The following KIRREL1 variants were observed in gnomAD, a reference collection of about 807,000 sequenced individuals.
KIRREL1 encodes kirre like nephrin family adhesion molecule 1.
Under a neutral mutation model 83.3 loss-of-function variants are expected in KIRREL1, and 25 were observed. The ratio of observed to expected loss-of-function variants is 0.30; its 90% CI spans 0.22 to 0.42. The LOEUF (loss-of-function observed/expected upper bound fraction) is 0.42, where lower values mean the gene tolerates loss of function less well. Ranked by LOEUF, KIRREL1 falls within the 10% of genes least tolerant of loss-of-function variation. The pLI is 1.00. For missense variants in KIRREL1, 812 were observed against 1,032.3 expected (o/e 0.79, Z 2.92); for synonymous variants, 388 against 410.4 (o/e 0.95, Z 0.66).
At chr1:158,072,246 T>C (rs1661536235) in intron 1 of KIRREL1, among the ~76,000 whole-genome samples, 1 of 152,000 alleles carries the variant, frequency 6.6e-6, no homozygotes, top group Non-Finnish European at 1.5e-5. Flanking sequence ...TCTGTGAGCC[T>C]TCTGGGGTCA....
chr1:158,076,852 C>A (rs1234061449), intron 2 of KIRREL1, among the ~76,000 whole-genome samples: 1 of 152,192 alleles, frequency 6.6e-6, no homozygotes, highest in Non-Finnish European at 1.5e-5. Flanking sequence ...CACAAAAAAA[C>A]CAACTTCCTA....
chr1:158,056,094 C>T (rs550967930), intron 1 of KIRREL1, among the ~76,000 whole-genome samples: 235 of 152,320 alleles, frequency 1.5e-3, no homozygotes, highest in African/African-American at 5.5e-3. Context: ...CTCCCTTCTG[C>T]CCTGCCAGGG....
chr1:158,004,500 C>T (rs1032226041), intron 1 of KIRREL1, among the ~76,000 whole-genome samples: 4 of 152,146 alleles, frequency 2.6e-5, no homozygotes, highest in African/African-American at 4.8e-5. Flanking sequence ...AGGTCTGTGT[C>T]TTGGATCTGG....
intron 1 of KIRREL1, among the ~76,000 whole-genome samples, chr1:157,997,109 T>C (rs1049831026): frequency 6.6e-6 from 1 of 152,182 alleles, no homozygotes; most frequent in African/African-American, 2.4e-5. Context: ...AAATATCTGA[T>C]CAATTGATTG....
intron 1 of KIRREL1, among the ~76,000 whole-genome samples, chr1:158,004,443 C>T (rs1387379984): frequency 6.6e-6 from 1 of 152,062 alleles, no homozygotes; most frequent in Non-Finnish European, 1.5e-5. Context: ...GCAGTGGGAG[C>T]TTTAGGAGGC....
rs373106995 is a variant in KIRREL1, at chr1:157,996,455, T to TGG, written c.52+2733_52+2734dup. Among the ~76,000 whole-genome samples the TGG allele has an allele frequency of 2.8e-3, 420 of 151,802 alleles. 1 individual carries two copies. The highest frequency in any genetic ancestry group is 9.7e-3 in the African/African-American group (403 of 41,382). Reference sequence around the variant, plus strand: ...CGGCTCGGGGAGGGAGCTGCCTCCGTGGGGGGGATGGATGTGGGGGCAGGA... The same window carrying TGG: ...CGGCTCGGGGAGGGAGCTGCCTCCGTGGGGGGGGGATGGATGTGGGGGCAGGA... On this transcript the variant is annotated intron_variant, in intron 1 of 14. Transcript: ENST00000359209.
intron 1 of KIRREL1, among the ~76,000 whole-genome samples, chr1:158,052,633 A>T (rs1264549134): frequency 1.3e-5 from 2 of 151,884 alleles, no homozygotes; most frequent in African/African-American, 2.4e-5. Context: ...CAAAAAAAAA[A>T]AAAATAGCCG....
chr1:158,025,471 C>A, intron 1 of KIRREL1: 1 of 150,768 alleles, frequency 6.6e-6, no homozygotes, highest in Non-Finnish European at 1.5e-5. Flanking sequence ...AGAAGGGCAT[C>A]GGAGACAGGA....
rs1222167634 is a variant in KIRREL1, at chr1:158,062,257, A to G, written c.53-13856A>G. ...AAGAACAAGGGCTCCAGCGTCATCAACCCTGAAGTTCTACCTCTGGATGCT... is the reference window on the plus strand; with the variant it reads ...AAGAACAAGGGCTCCAGCGTCATCAGCCCTGAAGTTCTACCTCTGGATGCT... On this transcript the variant is annotated intron_variant, in intron 1 of 14. Transcript: ENST00000359209. Among the ~76,000 whole-genome samples, 3 of 152,286 alleles carry G rather than the reference A, an allele frequency of 2.0e-5. No individual in the cohort carries two copies. The East Asian group carries it at 5.8e-4, about 29-fold the overall frequency.
intron 1 of KIRREL1, among the ~76,000 whole-genome samples, chr1:158,063,127 C>T (rs1348269325): frequency 6.6e-6 from 1 of 152,196 alleles, no homozygotes; most frequent in Admixed American, 6.5e-5. Context: ...CTTCAAGGCT[C>T]AATGCCATTC....
At chr1:158,055,196 G>A (rs1570957080) in intron 1 of KIRREL1, among the ~76,000 whole-genome samples, 1 of 151,980 alleles carries the variant, frequency 6.6e-6, no homozygotes, top group Non-Finnish European at 1.5e-5. Context: ...TGGCCCACCT[G>A]AAGAAGGTGG....
intron 1 of KIRREL1, among the ~76,000 whole-genome samples, chr1:158,044,389 G>T (rs942728220): frequency 6.6e-6 from 1 of 152,186 alleles, no homozygotes; most frequent in African/African-American, 2.4e-5. Context: ...ATGAGAAGCG[G>T]ACAAACTGGA....
chr1:158,050,499 A>G (rs1039213674), intron 1 of KIRREL1, among the ~76,000 whole-genome samples: 3 of 152,066 alleles, frequency 2.0e-5, no homozygotes, highest in African/African-American at 7.2e-5. Context: ...CTCGAACATT[A>G]AACATTGGAA....
intron 9 of KIRREL1, 21 bp downstream of exon 9, chr1:158,089,649 G>A: frequency 6.2e-7 from 1 of 1,613,252 alleles, no homozygotes; most frequent in Non-Finnish European, 8.5e-7. Flanking sequence ...GGCCTGAGAG[G>A]CAGCCGGGCC....
chr1:158,078,517 C>T (rs1661752823), intron 3 of KIRREL1, among the ~76,000 whole-genome samples: 1 of 152,116 alleles, frequency 6.6e-6, no homozygotes, highest in Non-Finnish European at 1.5e-5. Context: ...GGTGAGGGGG[C>T]GTCTCCCTTC....
At chr1:158,057,405 C>T (rs1394445707) in intron 1 of KIRREL1, among the ~76,000 whole-genome samples, 2 of 152,304 alleles carry the variant, frequency 1.3e-5, no homozygotes, top group East Asian at 1.9e-4. Flanking sequence ...GTCCTCTCTC[C>T]TGTGCCTTCA....
At chr1:158,047,584 G>A (rs989720803) in intron 1 of KIRREL1, among the ~76,000 whole-genome samples, 5 of 152,140 alleles carry the variant, frequency 3.3e-5, no homozygotes, top group Non-Finnish European at 7.3e-5. Flanking sequence ...CTGATATATG[G>A]GCGGTGCTTT....
intron 1 of KIRREL1, among the ~76,000 whole-genome samples, chr1:158,058,666 A>G (rs988266831): frequency 1.3e-5 from 2 of 152,200 alleles, no homozygotes; most frequent in Non-Finnish European, 2.9e-5. Flanking sequence ...ATAGCAAGAA[A>G]TAGTTGGAAG....
chr1:158,012,772 T>G (rs1659723521), intron 1 of KIRREL1, among the ~76,000 whole-genome samples: 1 of 152,264 alleles, frequency 6.6e-6, no homozygotes, highest in South Asian at 2.1e-4. Flanking sequence ...ATTACCCGCC[T>G]AGTGCATGGG....
Sources: allele counts gnomAD v4.1 joint callset (sites outside exome capture counted in the v4.1 genomes callset), GRCh38; gene constraint gnomAD v4.1.1; transcripts MANE v1.5; gene names NCBI Gene and HGNC (gene_info 2026-07-23, HGNC 2026-07-21).